Variants in WDR75 observed in about 807,000 individuals in gnomAD.
WDR75 encodes the protein WD repeat domain 75.
In WDR75, 52 loss-of-function variants were observed where a neutral mutation model predicts 106.1. That is an observed-to-expected ratio of 0.49 (90% CI 0.39 to 0.62). The LOEUF is 0.62. Among genes scored for constraint, WDR75 ranks in the 20% least tolerant of loss-of-function variants. WDR75 has a pLI of 0.00. For synonymous variants in WDR75, 333 were observed against 335.5 expected, an observed-to-expected ratio of 0.99 and a Z score of 0.08; for missense variants, 905 against 970.3, an observed-to-expected ratio of 0.93 and a Z score of 0.89.
At chr2:189,472,115 A>G (rs1225980190) in intron 18 of WDR75, among the ~76,000 whole-genome samples, 4 of 152,216 alleles carry the variant, frequency 2.6e-5, no homozygotes, top group Non-Finnish European at 4.4e-5. Context: ...CAGTTGGGAT[A>G]CAGTAGTGAG....
At chr2:189,449,337 T>C (rs1422239658) in intron 2 of WDR75, 10 of 1,298,596 alleles carry the variant, frequency 7.7e-6, no homozygotes, top group Non-Finnish European at 9.1e-6. Context: ...GATCTTTTCT[T>C]TCCAAAATTA....
chr2:189,461,047 C>T (rs1250861881), intron 8 of WDR75, among the ~76,000 whole-genome samples: 1 of 151,768 alleles, frequency 6.6e-6, no homozygotes, highest in Non-Finnish European at 1.5e-5. Context: ...GTGTATATAT[C>T]AGATTAAACT....
intron 1 of WDR75, among the ~76,000 whole-genome samples, chr2:189,447,190 A>G (rs1427462714): frequency 6.6e-6 from 1 of 152,260 alleles, no homozygotes; most frequent in Admixed American, 6.5e-5. Context: ...TAATAGACAC[A>G]GAGCAAATAC....
At chr2:189,452,838 T>C (rs967975468) in intron 4 of WDR75, among the ~76,000 whole-genome samples, 9 of 152,066 alleles carry the variant, frequency 5.9e-5, no homozygotes, top group African/African-American at 1.7e-4. Context: ...ACAGTTGTGT[T>C]CAGAATGAAG....
chr2:189,454,138 G>A lies in WDR75; in HGVS notation c.374-1182G>A, dbSNP rs118081453. 1.2e-3 allele frequency among the ~76,000 whole-genome samples: 181 copies of A among 152,266 alleles called. 2 individuals are homozygous for A. In the East Asian group the frequency reaches 0.013, roughly 11 times the overall value. ...GGGGAGGGAAATGAGCAACATAGGAGGAGTAAATACTAAATGAGAGGAAGA... is the reference window on the plus strand; with the variant it reads ...GGGGAGGGAAATGAGCAACATAGGAAGAGTAAATACTAAATGAGAGGAAGA... On this transcript the variant is annotated intron_variant, in intron 4 of 20. Coordinates refer to ENST00000314761, the MANE Select transcript of WDR75 (RefSeq NM_032168.3).
chr2:189,457,980 A>ATGGT (rs1250571892), intron 6 of WDR75, among the ~76,000 whole-genome samples: 2 of 142,958 alleles, frequency 1.4e-5, no homozygotes, highest in African/African-American at 5.3e-5. Flanking sequence ...GGCTGGTGCA[A>ATGGT]TGGTGTGTTC....
At chr2:189,455,507 C>G in intron 5 of WDR75, 63 bp downstream of exon 5, 1 of 1,552,840 alleles carries the variant, frequency 6.4e-7, no homozygotes, top group Non-Finnish European at 8.7e-7. Context: ...AATCTCTCTT[C>G]TGAGCATTTT....
chr2:189,441,690 C>G (rs1272571506), intron 1 of WDR75, 112 bp downstream of exon 1: 2 of 1,262,016 alleles, frequency 1.6e-6, no homozygotes, highest in Non-Finnish European at 2.2e-6. Flanking sequence ...CGGATATCGG[C>G]TTTGGGTAGA....
chr2:189,461,592 G>A (rs1686883679), intron 8 of WDR75, among the ~76,000 whole-genome samples: 1 of 151,930 alleles, frequency 6.6e-6, no homozygotes, highest in Admixed American at 6.6e-5. Context: ...AAATAAAATT[G>A]ATTGTTATAT....
At position 189,461,024 on chromosome 2, in the gene WDR75, A is replaced by G. The variant is rs115733550; in HGVS notation, c.779-1460A>G. Among the ~76,000 whole-genome samples, 610 of 152,330 alleles carry G rather than the reference A, an allele frequency of 4.0e-3. 7 individuals carry two copies. The highest frequency in any genetic ancestry group is 0.014 in the African/African-American group (570 of 41,562). ...GAGGCATATATGAACTATATGCACA[A>G]TGTATCATATATGTGTATATATCAG... On this transcript the variant is annotated intron_variant, in intron 8 of 20. Coordinates refer to ENST00000314761, the MANE Select transcript of WDR75 (RefSeq NM_032168.3).
rs1298734689 is a variant in WDR75 at position 189,459,328 on chromosome 2, T to G, written c.690-8T>G. 1.3e-6 allele frequency: 2 copies of G among 1,599,824 alleles called. No individual in the cohort carries two copies. The highest frequency in any genetic ancestry group is 1.7e-6 in the Non-Finnish European group (2 of 1,173,820). On this transcript the variant is annotated splice_region_variant and splice_polypyrimidine_tract_variant and intron_variant, in intron 7 of 20. Transcript: ENST00000314761. Reference sequence around the variant, plus strand: ...GGTCAAAATAAGAGTTTTATCTTTCTCCAATAGGAGGAATTTTTATGATGA... The same window carrying G: ...GGTCAAAATAAGAGTTTTATCTTTCGCCAATAGGAGGAATTTTTATGATGA...
chr2:189,468,444 T>G lies in WDR75; in HGVS notation c.1629-31T>G, dbSNP rs760507049. Reference sequence around the variant, plus strand: ...TGTAACTGAATTTGCTAGAACTGACTGTTGCTAACTTCCTTGTGGTTTTAA... The same window carrying G: ...TGTAACTGAATTTGCTAGAACTGACGGTTGCTAACTTCCTTGTGGTTTTAA... On this transcript the variant is annotated intron_variant, in intron 14 of 20. Transcript: ENST00000314761. 3 of 1,607,004 alleles carry G rather than the reference T, an allele frequency of 1.9e-6. No individual in the cohort carries two copies. In the Admixed American group the frequency reaches 5.0e-5, roughly 27 times the overall value.
chr2:189,474,706 T>C lies in WDR75; in HGVS notation c.2197-11T>C. On this transcript the variant is annotated splice_polypyrimidine_tract_variant and intron_variant, in intron 19 of 20. Coordinates refer to ENST00000314761, the MANE Select transcript of WDR75 (RefSeq NM_032168.3). ...TTTTTAATTGCAACCGTGTTTTCTGTTTGACTCCAGCTTCTTCACACTCCA... is the reference window on the plus strand; with the variant it reads ...TTTTTAATTGCAACCGTGTTTTCTGCTTGACTCCAGCTTCTTCACACTCCA... 3 of 1,612,884 alleles carry C rather than the reference T, an allele frequency of 1.9e-6. No individual in the cohort carries two copies. Among genetic ancestry groups the C allele is most frequent in the Non-Finnish European group, 2.5e-6 (3 of 1,178,990 alleles).
At chr2:189,456,568 A>G (rs1445110810) in intron 5 of WDR75, among the ~76,000 whole-genome samples, 4 of 152,110 alleles carry the variant, frequency 2.6e-5, no homozygotes, top group East Asian at 1.9e-4. Flanking sequence ...AAATTCTACA[A>G]CCGGCAGAGA....
rs76952691 is a variant in WDR75 at position 189,474,977 on chromosome 2, A to G, written c.2288+169A>G. Among the ~76,000 whole-genome samples, 1,058 of 152,344 alleles carry G rather than the reference A, an allele frequency of 6.9e-3. 14 individuals carry two copies. The highest frequency in any genetic ancestry group is 0.024 in the African/African-American group (1,006 of 41,588). ...AAGTCAAGTAACATACATTGAAAAT[A>G]AGTTTCAAAAAAGATCTTGTATGTG... On this transcript the variant is annotated intron_variant, in intron 20 of 20. Transcript: ENST00000314761.
At chr2:189,452,306 T>C (rs370446710) in intron 4 of WDR75, among the ~76,000 whole-genome samples, 3 of 152,256 alleles carry the variant, frequency 2.0e-5, no homozygotes, top group East Asian at 3.9e-4. Context: ...ACGCCTGTAA[T>C]CCCAGCACTA....
intron 4 of WDR75, chr2:189,452,178 C>A: frequency 3.3e-6 from 1 of 306,676 alleles, no homozygotes; most frequent in Non-Finnish European, 6.1e-6. Context: ...TTCTACTGAA[C>A]TTAAATCTGT....
chr2:189,451,551 GA>G (rs1279053022), intron 3 of WDR75, among the ~76,000 whole-genome samples: 4 of 152,148 alleles, frequency 2.6e-5, no homozygotes, highest in East Asian at 1.9e-4. Flanking sequence ...TTTATGGTAG[GA>G]AAAAAGTTAA....
chr2:189,449,787 A>G (rs1474179535), intron 2 of WDR75: 2 of 984,098 alleles, frequency 2.0e-6, no homozygotes, highest in South Asian at 4.7e-5. Flanking sequence ...AGTTTGTATA[A>G]TTTTTTGACT....
Sources: gnomAD v4.1 joint callset for allele counts (sites outside exome capture counted in the v4.1 genomes callset) on GRCh38, gnomAD v4.1.1 for gene constraint, MANE v1.5 for transcripts, NCBI Gene and HGNC (gene_info 2026-07-23, HGNC 2026-07-21) for gene names.